CMTM8: variants seen among roughly 807,000 people sequenced by gnomAD.
The protein encoded by CMTM8 is CKLF like MARVEL transmembrane domain containing 8.
Under a neutral mutation model 18.6 loss-of-function variants are expected in CMTM8, and 12 were observed. That is an observed-to-expected ratio of 0.65 (90% CI 0.41 to 1.05). The LOEUF (loss-of-function observed/expected upper bound fraction) is 1.05, where lower values mean the gene tolerates loss of function less well. Ranked by LOEUF, CMTM8 falls within the 50% of genes least tolerant of loss-of-function variation. CMTM8 has a pLI of 0.00. For synonymous variants in CMTM8, 87 were observed against 90.6 expected, an observed-to-expected ratio of 0.96 and a Z score of 0.23; for missense variants, 217 against 227.2, an observed-to-expected ratio of 0.95 and a Z score of 0.29.
At chr3:32,263,613 G>A (rs1038691165) in intron 1 of CMTM8, among the ~76,000 whole-genome samples, 9 of 152,224 alleles carry the variant, frequency 5.9e-5, no homozygotes, top group African/African-American at 1.7e-4. Context: ...TGGCTTTGAC[G>A]AGTTGAGAGA....
At chr3:32,321,762 A>T (rs1013506921) in intron 1 of CMTM8, among the ~76,000 whole-genome samples, 1 of 152,056 alleles carries the variant, frequency 6.6e-6, no homozygotes, top group Admixed American at 6.6e-5. Context: ...CACACCTGGT[A>T]ATTTTTTTCC....
At chr3:32,350,392 C>G (rs1696683596) in intron 1 of CMTM8, among the ~76,000 whole-genome samples, 1 of 147,478 alleles carries the variant, frequency 6.8e-6, no homozygotes, top group Non-Finnish European at 1.5e-5. Context: ...GAGTGTTGCT[C>G]TGTCACCCAG....
At chr3:32,279,179 A>T (rs370274891) in intron 1 of CMTM8, among the ~76,000 whole-genome samples, 14 of 45,472 alleles carry the variant, frequency 3.1e-4, no homozygotes, top group South Asian at 1.2e-3. Flanking sequence ...TTTTTTTTTT[A>T]ATTTTTTTTT....
intron 1 of CMTM8, among the ~76,000 whole-genome samples, chr3:32,276,525 G>T (rs891620016): frequency 2.0e-5 from 3 of 152,178 alleles, no homozygotes; most frequent in Non-Finnish European, 4.4e-5. Context: ...CCTGTGGCTA[G>T]CCATGGACCT....
chr3:32,256,787 C>G (rs1702178803), intron 1 of CMTM8, among the ~76,000 whole-genome samples: 2 of 152,196 alleles, frequency 1.3e-5, no homozygotes. Context: ...CAAGACAGCT[C>G]TAGCCTGATA....
At chr3:32,328,005 G>A (rs934748903) in intron 1 of CMTM8, among the ~76,000 whole-genome samples, 1 of 152,124 alleles carries the variant, frequency 6.6e-6, no homozygotes, top group African/African-American at 2.4e-5. Flanking sequence ...GAGCTCAGGG[G>A]TTTGAGACAA....
intron 1 of CMTM8, among the ~76,000 whole-genome samples, chr3:32,294,401 A>T (rs1205895250): frequency 6.6e-6 from 1 of 152,106 alleles, no homozygotes; most frequent in East Asian, 1.9e-4. Context: ...TTTACGCTGC[A>T]TTTTTGTCCT....
intron 1 of CMTM8, among the ~76,000 whole-genome samples, chr3:32,268,553 T>C (rs4381982): frequency 0.99 from 150,609 of 151,658 alleles, 74,800 homozygotes; most frequent in Middle Eastern, 1. Context: ...TGTAACAAAC[T>C]TGCACGTTGT....
At chr3:32,354,390 T>G (rs115555907) in intron 1 of CMTM8, among the ~76,000 whole-genome samples, 1,991 of 152,262 alleles carry the variant, frequency 0.013, 48 homozygotes, top group African/African-American at 0.045. Context: ...ACAGAGACAT[T>G]CTTTTTACTT....
rs142916082 is a variant in CMTM8, at chr3:32,337,092, G to A, written c.148-20281G>A. Among the ~76,000 whole-genome samples the A allele has an allele frequency of 5.3e-5, 8 of 152,146 alleles. No individual in the cohort carries two copies. The East Asian group carries it at 7.7e-4, about 15-fold the overall frequency. ...CTCTTGTGATAACAAACCTCCTCCC[G>A]AGATAACTCATTAATCCATGAATGG... On this transcript the variant is annotated intron_variant, in intron 1 of 3. Transcript: ENST00000307526.
Position 32,358,180 on chromosome 3 carries a change from G to C in CMTM8, c.321+634G>C, listed in dbSNP as rs1175065488. On this transcript the variant is annotated intron_variant, in intron 2 of 3. Transcript: ENST00000307526. This position sits in a 1 kb window ranked among gnomAD's most constrained non-coding sequence, Gnocchi z 4.1. ...GATACGAGACCCTGTGGCATACACT[G>C]CAGTGAAGCTGTGTAGAAAGTGTGA... is the stretch of plus-strand genomic sequence containing the variant. Among the ~76,000 whole-genome samples, 2 of 152,202 alleles carry C rather than the reference G, an allele frequency of 1.3e-5. No homozygotes were observed. The highest frequency in any genetic ancestry group is 1.3e-4 in the Admixed American group (2 of 15,282).
At chr3:32,281,124 A>G (rs538967090) in intron 1 of CMTM8, among the ~76,000 whole-genome samples, 5 of 152,258 alleles carry the variant, frequency 3.3e-5, no homozygotes, top group East Asian at 1.9e-4. Context: ...GTGTATGACT[A>G]TTAGTATGTA....
chr3:32,259,951 C>T (rs1702233918), intron 1 of CMTM8: 1 of 1,142,074 alleles, frequency 8.8e-7, no homozygotes. Context: ...TAGAGCAGCT[C>T]AACGGGATCC....
intron 1 of CMTM8, among the ~76,000 whole-genome samples, chr3:32,277,955 G>A (rs540800505): frequency 4.6e-5 from 7 of 152,176 alleles, no homozygotes; most frequent in Non-Finnish European, 1.0e-4. Flanking sequence ...CTTAAACAAG[G>A]TGGAAACTTG....
intron 1 of CMTM8, among the ~76,000 whole-genome samples, chr3:32,246,787 G>A (rs986132047): frequency 6.6e-6 from 1 of 152,150 alleles, no homozygotes; most frequent in African/African-American, 2.4e-5. Flanking sequence ...TTGATAAGAG[G>A]GTATATGAAT....
chr3:32,331,613 T>C (rs1575180139), intron 1 of CMTM8, among the ~76,000 whole-genome samples: 1 of 149,716 alleles, frequency 6.7e-6, no homozygotes, highest in Non-Finnish European at 1.5e-5. Context: ...TTATTCACAA[T>C]AACCAAGAGT....
chr3:32,330,880 A>G (rs1696262279), intron 1 of CMTM8, among the ~76,000 whole-genome samples: 1 of 152,232 alleles, frequency 6.6e-6, no homozygotes, highest in Admixed American at 6.5e-5. Flanking sequence ...CTGAAACTCA[A>G]ACTCCTAGAA....
intron 1 of CMTM8, among the ~76,000 whole-genome samples, chr3:32,248,623 C>T (rs1702073640): frequency 6.7e-6 from 1 of 149,398 alleles, no homozygotes; most frequent in African/African-American, 2.5e-5. Flanking sequence ...CTCGGCCTCC[C>T]AAAGTGCTGG....
chr3:32,334,590 A>G (rs1030552399), intron 1 of CMTM8, among the ~76,000 whole-genome samples: 2 of 151,664 alleles, frequency 1.3e-5, no homozygotes, highest in African/African-American at 4.8e-5. Flanking sequence ...TGGGCGACAG[A>G]GCAAGACTCC....
Sources: allele counts gnomAD v4.1 joint callset (sites outside exome capture counted in the v4.1 genomes callset), GRCh38; gene constraint gnomAD v4.1.1; non-coding constraint Gnocchi (gnomAD v3.1); transcripts MANE v1.5; gene names NCBI Gene and HGNC (gene_info 2026-07-23, HGNC 2026-07-21).